RANGAP1: variants seen among roughly 807,000 people sequenced by gnomAD.
The protein encoded by RANGAP1 is ran GTPase-activating protein 1.
In RANGAP1, 38 loss-of-function variants were observed where a neutral mutation model predicts 63.5. That is an observed-to-expected ratio of 0.60 (90% CI 0.46 to 0.78). RANGAP1 has a LOEUF of 0.78. Among genes scored for constraint, RANGAP1 ranks in the 30% least tolerant of loss-of-function variants. The pLI is 0.00. For missense variants in RANGAP1, 630 were observed against 740.3 expected (o/e 0.85, Z 1.73); for synonymous variants, 329 against 310.5 (o/e 1.06, Z -0.63).
chr22:41,291,684 G>T, the RANGAP1 span, among the ~76,000 whole-genome samples: 1 of 151,324 alleles, frequency 6.6e-6, no homozygotes, highest in African/African-American at 2.4e-5. Context: ...GGATCACGAG[G>T]TCAGGAGATC....
At chr22:41,258,942 A>G (rs892809928) in intron 6 of RANGAP1, among the ~76,000 whole-genome samples, 4 of 152,206 alleles carry the variant, frequency 2.6e-5, no homozygotes, top group African/African-American at 4.8e-5. Flanking sequence ...GACGTGAGAT[A>G]CCACACCCAG....
intron 2 of RANGAP1, among the ~76,000 whole-genome samples, chr22:41,278,402 C>G (rs1374748400): frequency 3.9e-5 from 6 of 152,242 alleles, no homozygotes; most frequent in Admixed American, 6.5e-5. Flanking sequence ...GTCATACCAC[C>G]TCCCTAAACC....
chr22:41,268,565 A>C (rs1227804822), intron 3 of RANGAP1, among the ~76,000 whole-genome samples: 1 of 151,870 alleles, frequency 6.6e-6, no homozygotes. Flanking sequence ...CCCAAGACTT[A>C]ACTTGAGCTT....
chr22:41,274,763 G>A, intron 2 of RANGAP1, 36 bp from the exon 3 acceptor site: 2 of 1,611,154 alleles, frequency 1.2e-6, no homozygotes, highest in South Asian at 1.1e-5. Context: ...TTAGGCTTTT[G>A]GAATCACAAA....
At chr22:41,290,973 C>T (rs766912787), upstream of RANGAP1, among the ~76,000 whole-genome samples, 7 of 152,238 alleles carry the variant, frequency 4.6e-5, no homozygotes, top group Non-Finnish European at 1.0e-4. Flanking sequence ...GCAGCCTCCC[C>T]CAGGGTCCCC....
At chr22:41,291,988 C>T in the RANGAP1 span, among the ~76,000 whole-genome samples, 6 of 151,832 alleles carry the variant, frequency 4.0e-5, no homozygotes, top group African/African-American at 1.5e-4. Flanking sequence ...GTGGTGCAAT[C>T]TCGGCTTCCT....
rs1461320181 is a variant in RANGAP1, at chr22:41,257,248, TCTG to T, written c.775-427_775-425del. Reference sequence around the variant, plus strand: ...GTGTTCCCCAACACCTGCACACATCTCTGCTAACACACAGGCAGCCGGACTAGC... The same window carrying T: ...GTGTTCCCCAACACCTGCACACATCTCTAACACACAGGCAGCCGGACTAGC... On this transcript the variant is annotated intron_variant, in intron 7 of 15. Transcript: ENST00000356244. The surrounding 1 kb of genome is among the most constrained non-coding windows in gnomAD (Gnocchi z 4.0). 2.6e-5 allele frequency among the ~76,000 whole-genome samples: 4 copies of T among 152,164 alleles called. No homozygotes were observed. Among genetic ancestry groups the T allele is most frequent in the African/African-American group, 9.7e-5 (4 of 41,444 alleles).
rs921483299 is a variant in RANGAP1 at position 41,249,916 on chromosome 22, C to T, written c.1484-99G>A. 2.8e-6 allele frequency: 3 copies of T among 1,054,644 alleles called. No individual in the cohort carries two copies. In the African/African-American group the frequency reaches 4.7e-5, roughly 17 times the overall value. The allele number at this position is 1,054,644 out of a possible 1,614,324, so 65.3% of individuals were successfully genotyped here. The stretch of plus-strand genomic sequence containing the variant: ...CAACACCGCGCAGACACAGGCTCGC[C>T]TGCCTCCTCGCCCTGACGAAGAGGC... On this transcript the variant is annotated intron_variant, in intron 13 of 15. Transcript: ENST00000356244.
intron 2 of RANGAP1, among the ~76,000 whole-genome samples, chr22:41,277,191 C>T (rs1024756697): frequency 6.7e-6 from 1 of 148,264 alleles, no homozygotes; most frequent in Non-Finnish European, 1.5e-5. Flanking sequence ...CATTCTCCTG[C>T]CTCAGCCTCC....
chr22:41,287,103 T>G (rs918146973), upstream of RANGAP1, among the ~76,000 whole-genome samples: 16 of 152,336 alleles, frequency 1.1e-4, no homozygotes, highest in Admixed American at 4.6e-4. Context: ...CAATGTTAAA[T>G]TTATTAATTT....
Position 41,256,087 on chromosome 22 carries a change from T to G in RANGAP1, c.1007A>C (p.Glu336Ala), listed in dbSNP as rs1219274424. 3 of 1,613,970 alleles carry G rather than the reference T, an allele frequency of 1.9e-6. No homozygotes were observed. The South Asian group carries it at 3.3e-5, about 18-fold the overall frequency. The stretch of plus-strand genomic sequence containing the variant: ...CACCTCCTGAAGCTGTTCACAGCCT[T>G]CTTCTCCCAGGGTGTTGCCTGCTCA... ...LDLNGNTLGE[E>A]GCEQLQEVLE... Residue 336 changes from glutamate to alanine, a missense_variant, in exon 10 of 16, where the codon GAA becomes GCA. This residue lies in a region of RANGAP1 where 428 missense variants were observed against 465.5 expected (regional missense o/e 0.92). Transcript: ENST00000356244.
chr22:41,246,374 G>A lies in RANGAP1; in HGVS notation c.*229C>T. ...GGCCAACTCCCCACAACAGAGCAGGGCTGGGCCAGCAGAAGACGTTAAAAC... is the reference window on the plus strand; with the variant it reads ...GGCCAACTCCCCACAACAGAGCAGGACTGGGCCAGCAGAAGACGTTAAAAC... On this transcript the variant is annotated 3_prime_UTR_variant, in exon 16 of 16. Coordinates refer to ENST00000356244, the MANE Select transcript of RANGAP1 (RefSeq NM_002883.4). The A allele has an allele frequency of 2.0e-6, 1 of 493,066 alleles. No homozygotes were observed. The highest frequency in any genetic ancestry group is 2.2e-5 in the South Asian group (1 of 45,540). The allele number at this position is 493,066 out of a possible 1,614,324, so 30.5% of individuals were successfully genotyped here.
chr22:41,279,122 A>G (rs6002310), intron 2 of RANGAP1, among the ~76,000 whole-genome samples: 51,275 of 150,718 alleles, frequency 0.34, 9,153 homozygotes, highest in Admixed American at 0.52. Context: ...CAGCCTGGGT[A>G]ACAGAGCGAG....
chr22:41,256,794 T>A lies in RANGAP1; in HGVS notation c.805A>T (p.Ile269Phe), dbSNP rs760366768. ...CGCACCAGGCAGTCCCCAAAATTAA[T>A]CACCTCCACCTGCCGCAAGGTCTTC... ...TLKTLRQVEV[I>F]NFGDCLVRSK... is the part of the protein sequence containing the mutation. Residue 269 changes from isoleucine to phenylalanine, a missense_variant, in exon 8 of 16, where the codon ATT becomes TTT. Around this residue, in one of 3 missense-constraint regions of RANGAP1, gnomAD observed 428 missense variants for 465.5 expected, o/e 0.92. Coordinates refer to ENST00000356244, the MANE Select transcript of RANGAP1 (RefSeq NM_002883.4). 41 of 1,613,854 alleles carry A rather than the reference T, an allele frequency of 2.5e-5. No homozygotes were observed. Among genetic ancestry groups the A allele is most frequent in the Non-Finnish European group, 3.3e-5 (39 of 1,180,014 alleles).
intron 1 of RANGAP1, chr22:41,284,909 C>T (rs1038036124): frequency 6.6e-6 from 1 of 152,138 alleles, no homozygotes; most frequent in African/African-American, 2.4e-5. Flanking sequence ...ACCTGTAATT[C>T]CAACATTTTG....
chr22:41,300,399 T>G, the RANGAP1 span, among the ~76,000 whole-genome samples: 14 of 130,080 alleles, frequency 1.1e-4, no homozygotes, highest in South Asian at 3.8e-3. Flanking sequence ...GGGTGTTTCA[T>G]TGTAAATTGC....
intron 3 of RANGAP1, among the ~76,000 whole-genome samples, chr22:41,271,359 G>A (rs1262704703): frequency 2.8e-5 from 4 of 140,770 alleles, no homozygotes; most frequent in African/African-American, 1.0e-4. Context: ...CTGCACTACA[G>A]CCTGGGCAAT....
chr22:41,254,529 A>G, intron 10 of RANGAP1, 35 bp from the exon 11 acceptor site: 3 of 1,548,542 alleles, frequency 1.9e-6, no homozygotes, highest in Non-Finnish European at 2.6e-6. Context: ...GATCCTCTCT[A>G]CCCAGCAGCC....
intron 2 of RANGAP1, among the ~76,000 whole-genome samples, chr22:41,279,326 G>A (rs1255554182): frequency 1.3e-5 from 2 of 151,982 alleles, no homozygotes; most frequent in East Asian, 1.9e-4. Flanking sequence ...AAAAATTAGC[G>A]GAGCATGGTG....
Sources: gnomAD v4.1 joint callset for allele counts (sites outside exome capture counted in the v4.1 genomes callset) on GRCh38, gnomAD v4.1.1 for gene constraint, gnomAD v4.1.1 regional missense constraint, Gnocchi (gnomAD v3.1) non-coding constraint, MANE v1.5 for transcripts, NCBI Gene and HGNC (gene_info 2026-07-23, HGNC 2026-07-21) for gene names.